Variants in ARFGEF1 observed in about 807,000 individuals in gnomAD.
The protein encoded by ARFGEF1 is ARF guanine nucleotide exchange factor 1.
In ARFGEF1, 42 loss-of-function variants were observed where a neutral mutation model predicts 231.0. The observed-to-expected ratio is 0.18, with a 90% confidence interval of 0.14 to 0.24. The LOEUF (loss-of-function observed/expected upper bound fraction) is 0.24. Ranked by LOEUF, ARFGEF1 falls within the 10% of genes least tolerant of loss-of-function variation. The pLI is 1.00. For synonymous variants in ARFGEF1, 710 were observed against 732.3 expected (o/e 0.97, Z 0.49); for missense variants, 1,345 against 2,192.0 (o/e 0.61, Z 7.72).
At chr8:67,238,541 C>G in intron 21 of ARFGEF1, 48 bp from the exon 22 acceptor site, 1 of 1,545,426 alleles carries the variant, frequency 6.5e-7, no homozygotes, top group East Asian at 2.3e-5. Context: ...TTAAAAATAT[C>G]TTCAAAAAGA....
At chr8:67,210,628 G>T (rs899377848) in intron 34 of ARFGEF1, among the ~76,000 whole-genome samples, 1 of 152,164 alleles carries the variant, frequency 6.6e-6, no homozygotes, top group East Asian at 1.9e-4. Flanking sequence ...CATGCAGAAG[G>T]GGGTGGAGAA....
intron 28 of ARFGEF1, among the ~76,000 whole-genome samples, chr8:67,225,621 C>T (rs1839347136): frequency 6.6e-6 from 1 of 152,126 alleles, no homozygotes; most frequent in Admixed American, 6.6e-5. Flanking sequence ...TTACACAGCA[C>T]AGACAGACAA....
chr8:67,181,813 A>T (rs1341611365), intron 5 of ARFGEF1, among the ~76,000 whole-genome samples: 2 of 152,246 alleles, frequency 1.3e-5, no homozygotes, highest in Middle Eastern at 3.4e-3. Context: ...CTTCATATGA[A>T]ACAGTAATTC....
In ARFGEF1 at chr8:67,343,460, C is replaced by T; in HGVS notation, c.-173G>A. 2 of 1,342,914 alleles carry T rather than the reference C, an allele frequency of 1.5e-6. No homozygotes were observed. The highest frequency in any genetic ancestry group is 1.9e-6 in the Non-Finnish European group (2 of 1,044,100). 83.2% of individuals were successfully genotyped at this position (1,342,914 alleles called of 1,614,324 possible). ...AGGGGCGGGCGAGCGGGACCAGCCG[C>T]GGTGTCGGCGAAGGGCGTCGAGGTC... is the stretch of plus-strand genomic sequence containing the variant. On this transcript the variant is annotated 5_prime_UTR_variant, in exon 1 of 39. Transcript: ENST00000262215.
intron 1 of ARFGEF1, 76 bp downstream of exon 1, chr8:67,343,088 A>ACCCCCCCCCCCCCCCCCCCCCCCCCCCC: frequency 2.5e-6 from 1 of 399,152 alleles, no homozygotes; most frequent in South Asian, 2.0e-5. Context: ...GCCCCGGGCG[A>ACCCCCCCCCCCCCCCCCCCCCCCCCCCC]CCCCACCCCC....
chr8:67,332,186 A>C (rs2128934078), intron 1 of ARFGEF1, among the ~76,000 whole-genome samples: 1 of 152,370 alleles, frequency 6.6e-6, no homozygotes, highest in East Asian at 1.9e-4. Flanking sequence ...TTATATACTT[A>C]CATATGAAGT....
chr8:67,215,550 A>G (rs1386030867), intron 33 of ARFGEF1, among the ~76,000 whole-genome samples: 1 of 152,220 alleles, frequency 6.6e-6, no homozygotes, highest in Non-Finnish European at 1.5e-5. Context: ...TCTTCATAAA[A>G]CAAAAAGGAG....
chr8:67,218,110 T>C lies in ARFGEF1; in HGVS notation c.4367A>G (p.Asn1456Ser), dbSNP rs1838999646. The C allele has an allele frequency of 1.3e-6, 2 of 1,528,284 alleles. No homozygotes were observed. Among genetic ancestry groups the C allele is most frequent in the African/African-American group, 1.4e-5 (1 of 71,954 alleles). The allele number at this position is 1,528,284 out of a possible 1,614,324, so 94.7% of individuals were successfully genotyped here. A position where few individuals can be genotyped will look rare whatever the true frequency, so the allele number is the denominator to read the frequency against. The stretch of plus-strand genomic sequence containing the variant: ...ATCACAGATTGCATAAAGTGCATGA[T>C]TGCAAGTTGTTGTCATCCATTCAGC... ...EKAEWMTTTC[N>S]HALYAICDVF... Residue 1456 changes from asparagine (N) to serine (S), a missense_variant, in exon 31 of 39, where the codon AAT becomes AGT. Asn to Ser is a conservative substitution (Grantham distance 46). Around this residue, in one of 14 missense-constraint regions of ARFGEF1, gnomAD observed 18 missense variants for 63.5 expected, o/e 0.28. Transcript: ENST00000262215.
chr8:67,190,499 T>C (rs923982101), intron 5 of ARFGEF1: 4 of 622,166 alleles, frequency 6.4e-6, no homozygotes, highest in Admixed American at 2.8e-5. Context: ...GTAAATTTAC[T>C]AAAAAAATCA....
chr8:67,218,055 A>C lies in ARFGEF1; in HGVS notation c.4422T>G (p.Ser1474Arg). The C allele has an allele frequency of 6.2e-7, 1 of 1,612,088 alleles. No homozygotes were observed. The highest frequency in any genetic ancestry group is 2.2e-5 in the East Asian group (1 of 44,842). Residue 1474 changes from serine (S) to arginine (R), a missense_variant, in exon 31 of 39, where the codon AGT becomes AGG. Physicochemically the swap from Ser to Arg is moderately radical, Grantham distance 110. This residue lies in a region of ARFGEF1 where 54 missense variants were observed against 86.5 expected (regional missense o/e 0.62). Transcript: ENST00000262215. ...CAAAAATGTCATCCAAAAGTACATC[A>C]CTGAGTACTTCTAAATACTGAGTGA... ...DVFTQYLEVLSDVLLDDIFAQ... is the reference protein window; with the variant it reads ...DVFTQYLEVLRDVLLDDIFAQ...
intron 22 of ARFGEF1, among the ~76,000 whole-genome samples, chr8:67,237,117 G>C (rs1839794795): frequency 6.6e-6 from 1 of 152,142 alleles, no homozygotes; most frequent in South Asian, 2.1e-4. Flanking sequence ...GAGCCAATCA[G>C]TGCACATTCA....
At position 67,238,427 on chromosome 8, in the gene ARFGEF1, T is replaced by G; in HGVS notation, c.3205A>C (p.Ile1069Leu). Residue 1069 changes from isoleucine (I) to leucine (L), a missense_variant, in exon 22 of 39, where the codon ATT becomes CTT. Around this residue, in one of 14 missense-constraint regions of ARFGEF1, gnomAD observed 146 missense variants for 321.4 expected, o/e 0.45. Transcript: ENST00000262215. ...LIGTGVKPRY[I>L]SGTVRGREGS... ...TCTCTGCCTCGCACTGTTCCAGAAA[T>G]GTATCGAGGTTTCACTCCAGTTCCT... 6.2e-7 allele frequency: 1 copy of G among 1,614,008 alleles called. No homozygotes were observed. The highest frequency in any genetic ancestry group is 8.5e-7 in the Non-Finnish European group (1 of 1,179,934).
intron 6 of ARFGEF1, among the ~76,000 whole-genome samples, chr8:67,290,647 G>A (rs895222298): frequency 6.6e-6 from 1 of 152,086 alleles, no homozygotes; most frequent in African/African-American, 2.4e-5. Flanking sequence ...TTTGCTAAAT[G>A]CATAGATATA....
chr8:67,225,642 A>G (rs1416175051), intron 28 of ARFGEF1, among the ~76,000 whole-genome samples: 1 of 152,154 alleles, frequency 6.6e-6, no homozygotes, highest in Non-Finnish European at 1.5e-5. Context: ...GATGCACTGT[A>G]GGGAATGGTT....
At chr8:67,270,414 T>C (rs1787807343) in intron 10 of ARFGEF1, among the ~76,000 whole-genome samples, 1 of 152,190 alleles carries the variant, frequency 6.6e-6, no homozygotes, top group South Asian at 2.1e-4. Context: ...ATTTTAGCCA[T>C]TTCGAAATTC....
chr8:67,267,702 A>G (rs1288039629), intron 10 of ARFGEF1, among the ~76,000 whole-genome samples: 1 of 152,194 alleles, frequency 6.6e-6, no homozygotes, highest in Non-Finnish European at 1.5e-5. Context: ...AGAAATATGC[A>G]AAGATTTAGA....
chr8:67,237,174 A>G lies in ARFGEF1; in HGVS notation c.3289+1169T>C, dbSNP rs915173707. 3.6e-4 allele frequency among the ~76,000 whole-genome samples: 55 copies of G among 152,190 alleles called. 1 individual carries two copies. The highest frequency in any genetic ancestry group is 2.5e-4 in the Non-Finnish European group (17 of 68,034). ...TTTCATCTGCATCTCATGTTACCCC[A>G]TGGAGTAATTACAGTTCTAATGTAT... On this transcript the variant is annotated intron_variant, in intron 22 of 38. Coordinates refer to ENST00000262215, the MANE Select transcript of ARFGEF1 (RefSeq NM_006421.5).
chr8:67,201,025 T>C (rs1024998709), intron 37 of ARFGEF1, among the ~76,000 whole-genome samples: 1 of 152,268 alleles, frequency 6.6e-6, no homozygotes. Context: ...CAGATGACCG[T>C]ATTCTTTCTG....
downstream of ARFGEF1, chr8:67,195,514 A>T: frequency 1.2e-6 from 2 of 1,614,220 alleles, no homozygotes. Flanking sequence ...ATGGCAGAGC[A>T]GCTGAACCAG....
Sources: allele counts gnomAD v4.1 joint callset (sites outside exome capture counted in the v4.1 genomes callset), GRCh38; gene constraint gnomAD v4.1.1; regional missense constraint gnomAD v4.1.1; transcripts MANE v1.5; gene names NCBI Gene and HGNC (gene_info 2026-07-23, HGNC 2026-07-21).